EIF4E: variants seen among roughly 807,000 people sequenced by gnomAD.
EIF4E encodes eukaryotic translation initiation factor 4E, also known as eIF-4F 25 kDa subunit.
For missense variants in EIF4E, 113 were observed against 265.6 expected (o/e 0.43, Z 3.99); for synonymous variants, 71 against 88.5 (o/e 0.80, Z 1.11).
At chr4:98,917,133 C>A (rs201580122) in intron 1 of EIF4E, among the ~76,000 whole-genome samples, 2,850 of 54,594 alleles carry the variant, frequency 0.052, 19 homozygotes, top group Middle Eastern at 0.18. Context: ...CACACACACA[C>A]AAAAAAAACC....
chr4:98,903,489 GC>G, intron 1 of EIF4E: 1 of 455,724 alleles, frequency 2.2e-6, no homozygotes, highest in Non-Finnish European at 4.4e-6. Context: ...CTACAGATAG[GC>G]ACCATGATAC....
At chr4:98,891,478 T>C in intron 2 of EIF4E, 146 bp from the exon 3 acceptor site, 1 of 688,610 alleles carries the variant, frequency 1.5e-6, no homozygotes. Flanking sequence ...AATGGAATAC[T>C]AAAAAGCCCT....
At chr4:98,896,672 A>T (rs952026285) in intron 2 of EIF4E, among the ~76,000 whole-genome samples, 4 of 68,930 alleles carry the variant, frequency 5.8e-5, no homozygotes, top group South Asian at 3.3e-4. Context: ...TCTTCCAAAA[A>T]AAAAAAAAAA....
At position 98,888,606 on chromosome 4, in the gene EIF4E, C is replaced by G. The variant is rs537506148; in HGVS notation, c.222-654G>C. On this transcript the variant is annotated intron_variant, in intron 3 of 6. Transcript: ENST00000450253. ...CAGTCTGTATTTCTAAACTATTTCC[C>G]AAGTATCAAAATAACAGAATAACAT... Among the ~76,000 whole-genome samples the G allele has an allele frequency of 2.0e-5, 3 of 152,214 alleles. No homozygotes were observed. In the East Asian group the frequency reaches 5.8e-4, roughly 29 times the overall value.
chr4:98,883,988 A>G (rs1298441831), intron 6 of EIF4E, among the ~76,000 whole-genome samples: 1 of 149,770 alleles, frequency 6.7e-6, no homozygotes, highest in Non-Finnish European at 1.5e-5. Context: ...GAAGTGAGCC[A>G]TGACTGCACC....
rs1036620982 is a variant in EIF4E at position 98,901,202 on chromosome 4, T to C, written c.125+674A>G. Among the ~76,000 whole-genome samples the C allele has an allele frequency of 6.1e-5, 9 of 147,656 alleles. No homozygotes were observed. The South Asian group carries it at 1.1e-3, about 17-fold the overall frequency. ...GGTTTCCATGACCACCACTGTCTCT[T>C]TTTTTTTTTTTTGAGATGGAGTTTC... On this transcript the variant is annotated intron_variant, in intron 2 of 6. Coordinates refer to ENST00000450253, the MANE Select transcript of EIF4E (RefSeq NM_001968.5).
chr4:98,911,314 C>T (rs1327448624), intron 1 of EIF4E, among the ~76,000 whole-genome samples: 1 of 147,860 alleles, frequency 6.8e-6, no homozygotes, highest in Non-Finnish European at 1.5e-5. Context: ...TCCCAAAGTG[C>T]TGGGATTACA....
intron 3 of EIF4E, among the ~76,000 whole-genome samples, chr4:98,888,603 T>G (rs1277487127): frequency 1.3e-5 from 2 of 152,222 alleles, no homozygotes; most frequent in Non-Finnish European, 2.9e-5. Flanking sequence ...CTAAACTATT[T>G]CCCAAGTATC....
chr4:98,927,964 C>T (rs1280860357), intron 1 of EIF4E, among the ~76,000 whole-genome samples: 2 of 152,114 alleles, frequency 1.3e-5, no homozygotes, highest in African/African-American at 4.8e-5. Flanking sequence ...TACAAACCTA[C>T]CCTGGGACCA....
intron 2 of EIF4E, among the ~76,000 whole-genome samples, chr4:98,896,298 A>T (rs1724385569): frequency 6.6e-6 from 1 of 151,488 alleles, no homozygotes; most frequent in Non-Finnish European, 1.5e-5. Flanking sequence ...CTTGAGCCAA[A>T]GAGTTCGAGG....
chr4:98,924,474 T>C (rs1163671181), intron 1 of EIF4E, among the ~76,000 whole-genome samples: 1 of 152,236 alleles, frequency 6.6e-6, no homozygotes, highest in African/African-American at 2.4e-5. Context: ...ATAATTCATT[T>C]TGCATATTAT....
intron 1 of EIF4E, among the ~76,000 whole-genome samples, chr4:98,920,468 T>C (rs562191947): frequency 2.0e-5 from 3 of 152,062 alleles, no homozygotes; most frequent in Admixed American, 1.3e-4. Context: ...CTAATTTTTG[T>C]ATTTTTAGTA....
At chr4:98,899,925 A>G (rs1724576515) in intron 2 of EIF4E, among the ~76,000 whole-genome samples, 1 of 152,122 alleles carries the variant, frequency 6.6e-6, no homozygotes, top group Middle Eastern at 3.4e-3. Flanking sequence ...GATACTTGCT[A>G]TTTTACACAA....
At chr4:98,902,479 C>T (rs1278090559) in intron 1 of EIF4E, among the ~76,000 whole-genome samples, 1 of 152,170 alleles carries the variant, frequency 6.6e-6, no homozygotes, top group African/African-American at 2.4e-5. Flanking sequence ...TCATTAAGAG[C>T]AAAGAGCAAA....
intron 1 of EIF4E, among the ~76,000 whole-genome samples, chr4:98,918,123 G>A (rs939250865): frequency 6.6e-6 from 1 of 151,466 alleles, no homozygotes; most frequent in Admixed American, 6.6e-5. Context: ...AGCACTTTGG[G>A]AGGCCAAAGT....
At chr4:98,910,515 GTTTA>G (rs1415865196) in intron 1 of EIF4E, among the ~76,000 whole-genome samples, 4 of 152,098 alleles carry the variant, frequency 2.6e-5, no homozygotes, top group African/African-American at 9.7e-5. Flanking sequence ...TTCAATAGCT[GTTTA>G]TTTAAATAAT....
intron 1 of EIF4E, among the ~76,000 whole-genome samples, chr4:98,917,544 C>A (rs1378843549): frequency 6.6e-6 from 1 of 152,134 alleles, no homozygotes; most frequent in African/African-American, 2.4e-5. Context: ...GCAATACCAT[C>A]TTTCCCTTAA....
chr4:98,893,085 C>T (rs1357485850), intron 2 of EIF4E, among the ~76,000 whole-genome samples: 2 of 152,020 alleles, frequency 1.3e-5, no homozygotes, highest in Non-Finnish European at 2.9e-5. Context: ...TTTCCCGGTG[C>T]ATGTAAAAGT....
intron 2 of EIF4E, among the ~76,000 whole-genome samples, chr4:98,896,371 A>C (rs1313805741): frequency 2.0e-5 from 3 of 149,888 alleles, no homozygotes; most frequent in African/African-American, 7.4e-5. Context: ...GACCCTGTCA[A>C]GGAATGGGAC....
Sources: gnomAD v4.1 joint callset for allele counts (sites outside exome capture counted in the v4.1 genomes callset) on GRCh38, gnomAD v4.1.1 for gene constraint, MANE v1.5 for transcripts, NCBI Gene and HGNC (gene_info 2026-07-23, HGNC 2026-07-21) for gene names.